The following SEC14L1 variants were observed in gnomAD, a reference collection of about 807,000 sequenced individuals.
SEC14L1 encodes SEC14 like lipid binding 1.
Under a neutral mutation model 85.3 loss-of-function variants are expected in SEC14L1, and 48 were observed. That is an observed-to-expected ratio of 0.56 (90% CI 0.45 to 0.72). SEC14L1 has a LOEUF of 0.72. Among genes scored for constraint, SEC14L1 ranks in the 30% least tolerant of loss-of-function variants. The probability of loss-of-function intolerance (pLI) is 0.00; values close to 1 mark genes in which losing one functional copy is unlikely to be tolerated. For synonymous variants in SEC14L1, 391 were observed against 355.5 expected (o/e 1.10, Z -1.12); for missense variants, 682 against 921.4 (o/e 0.74, Z 3.36).
At chr17:77,178,362 C>A (rs927400736) in intron 3 of SEC14L1, among the ~76,000 whole-genome samples, 1 of 152,012 alleles carries the variant, frequency 6.6e-6, no homozygotes, top group Non-Finnish European at 1.5e-5. Flanking sequence ...TGTTTTTTGA[C>A]ATTATTTTAA....
Position 77,215,121 on chromosome 17 carries a change from G to T in SEC14L1, c.*1098G>T. 1.0e-6 allele frequency: 1 copy of T among 985,592 alleles called. No individual in the cohort carries two copies. The highest frequency in any genetic ancestry group is 1.7e-5 in the African/African-American group (1 of 57,308). 61.1% of individuals were successfully genotyped at this position (985,592 alleles called of 1,614,324 possible). ...GTGTGCATGACGGTGGGGGTGCTGG[G>T]GGGACGGGGTGAGTGGAAACTTAGT... On this transcript the variant is annotated 3_prime_UTR_variant, in exon 17 of 17. Transcript: ENST00000436233.
In SEC14L1 at chr17:77,206,189, GCTGT is replaced by G. The variant is rs1179990199; in HGVS notation, c.1170-35_1170-32del. The G allele has an allele frequency of 6.3e-7, 1 of 1,592,124 alleles. No individual in the cohort carries two copies. The highest frequency in any genetic ancestry group is 1.3e-5 in the African/African-American group (1 of 74,508). Reference sequence around the variant, plus strand: ...AAATAAGACACAGTTTGCTAAGTGTGCTGTCTGTTGAATGAAACACATCTCTGCA... The same window carrying G: ...AAATAAGACACAGTTTGCTAAGTGTGCTGTTGAATGAAACACATCTCTGCA... On this transcript the variant is annotated intron_variant, in intron 11 of 16. Coordinates refer to ENST00000436233, the MANE Select transcript of SEC14L1 (RefSeq NM_001143998.2). The surrounding 1 kb of genome is among the most constrained non-coding windows in gnomAD (Gnocchi z 4.3).
At chr17:77,097,882 A>G (rs1283274110) in intron 3 of SEC14L1, among the ~76,000 whole-genome samples, 1 of 152,224 alleles carries the variant, frequency 6.6e-6, no homozygotes, top group Non-Finnish European at 1.5e-5. Flanking sequence ...GGAGAGAAAG[A>G]CAGCAGCCCC....
At chr17:77,089,429 T>C (rs1971451948) in intron 2 of SEC14L1, 2 of 518,994 alleles carry the variant, frequency 3.9e-6, no homozygotes, top group Non-Finnish European at 7.7e-6. Context: ...GGTTTTGAAT[T>C]TGCAGTAACA....
chr17:77,157,600 T>A (rs1055103681), intron 3 of SEC14L1, among the ~76,000 whole-genome samples: 13 of 152,030 alleles, frequency 8.6e-5, no homozygotes, highest in Admixed American at 3.3e-4. Flanking sequence ...TGATCTCGGC[T>A]CACTGCAGCC....
intron 3 of SEC14L1, among the ~76,000 whole-genome samples, chr17:77,100,171 C>T (rs866510297): frequency 6.6e-6 from 1 of 152,122 alleles, no homozygotes; most frequent in Non-Finnish European, 1.5e-5. Context: ...TGTTGACTTT[C>T]TTCCTGGTAG....
chr17:77,119,842 T>C (rs1972254883), intron 3 of SEC14L1, among the ~76,000 whole-genome samples: 1 of 152,086 alleles, frequency 6.6e-6, no homozygotes. Flanking sequence ...TGAGAAGAAT[T>C]AGAACCTTCG....
At chr17:77,167,493 T>G (rs1974337407) in intron 3 of SEC14L1, among the ~76,000 whole-genome samples, 1 of 152,214 alleles carries the variant, frequency 6.6e-6, no homozygotes. Context: ...GTTACTTGAT[T>G]GCTTTTGTTT....
chr17:77,125,243 C>T (rs536768029), intron 3 of SEC14L1, among the ~76,000 whole-genome samples: 3 of 152,046 alleles, frequency 2.0e-5, no homozygotes, highest in South Asian at 2.1e-4. Flanking sequence ...ATGATCTGCC[C>T]GCCTCGGCCT....
chr17:77,193,667 T>C, intron 6 of SEC14L1, 118 bp downstream of exon 6: 1 of 1,074,638 alleles, frequency 9.3e-7, no homozygotes, highest in Non-Finnish European at 1.4e-6. Context: ...GGGTGGAAGA[T>C]GCTATGATCC....
In SEC14L1 at chr17:77,206,967, TTTTG is replaced by T; in HGVS notation, c.1476+109_1476+112del. 1 of 1,231,946 alleles carries T rather than the reference TTTTG, an allele frequency of 8.1e-7. No individual in the cohort carries two copies. Among genetic ancestry groups the T allele is most frequent in the South Asian group, 1.9e-5 (1 of 52,596 alleles). 76.3% of individuals were successfully genotyped at this position (1,231,946 alleles called of 1,614,324 possible). A position where few individuals can be genotyped will look rare whatever the true frequency, so the allele number is the denominator to read the frequency against. ...TTCAGAACTTCCAGTTGTTTGGATGTTTTGTTTTTGTTTTGTTTCTTTTGGCCGC... is the reference window on the plus strand; with the variant it reads ...TTCAGAACTTCCAGTTGTTTGGATGTTTTTTGTTTTGTTTCTTTTGGCCGC... On this transcript the variant is annotated intron_variant, in intron 13 of 16. Transcript: ENST00000436233. This position sits in a 1 kb window ranked among gnomAD's most constrained non-coding sequence, Gnocchi z 4.3.
intron 14 of SEC14L1, chr17:77,210,824 A>C (rs968918436): frequency 1.3e-5 from 2 of 152,096 alleles, no homozygotes; most frequent in Non-Finnish European, 2.9e-5. Context: ...GTTTCGTGTG[A>C]ATCGGGGGCA....
At chr17:77,155,934 C>CTT (rs1973796012) in intron 3 of SEC14L1, among the ~76,000 whole-genome samples, 1 of 152,108 alleles carries the variant, frequency 6.6e-6, no homozygotes, top group South Asian at 2.1e-4. Context: ...TCCCAGAATC[C>CTT]TTTGTCATTG....
chr17:77,182,875 G>C (rs1412684878), intron 3 of SEC14L1, among the ~76,000 whole-genome samples: 1 of 152,236 alleles, frequency 6.6e-6, no homozygotes, highest in Non-Finnish European at 1.5e-5. Flanking sequence ...GAAAAGTCCA[G>C]GTTGCTGGCT....
intron 3 of SEC14L1, among the ~76,000 whole-genome samples, chr17:77,184,293 T>C (rs1975171896): frequency 6.6e-6 from 1 of 152,214 alleles, no homozygotes; most frequent in South Asian, 2.1e-4. Context: ...TAAATTTATC[T>C]GTAACCTGCA....
At chr17:77,109,732 A>G (rs1180304866) in intron 3 of SEC14L1, among the ~76,000 whole-genome samples, 1 of 152,206 alleles carries the variant, frequency 6.6e-6, no homozygotes, top group African/African-American at 2.4e-5. Context: ...TTTAATGCTC[A>G]GCCTTGGAAG....
chr17:77,206,568 T>C lies in SEC14L1; in HGVS notation c.1342-160T>C, dbSNP rs1014638344. The C allele has an allele frequency of 2.5e-5, 30 of 1,189,232 alleles. No homozygotes were observed. In the Middle Eastern group the frequency reaches 8.8e-4, roughly 35 times the overall value. The allele number at this position is 1,189,232 out of a possible 1,614,324, so 73.7% of individuals were successfully genotyped here. ...TGTTTAAGAAAGGGGAAAAACAAAA[T>C]GTGAGTGTCCTAATGCCATGCAAAT... On this transcript the variant is annotated intron_variant, in intron 12 of 16. Transcript: ENST00000436233. The surrounding 1 kb of genome is among the most constrained non-coding windows in gnomAD (Gnocchi z 4.3).
At chr17:77,199,916 C>T (rs1216939788) in intron 8 of SEC14L1, among the ~76,000 whole-genome samples, 1 of 152,200 alleles carries the variant, frequency 6.6e-6, no homozygotes, top group Non-Finnish European at 1.5e-5. Context: ...TGCCTATAAT[C>T]CCAACACTTT....
At chr17:77,182,845 A>G (rs970848664) in intron 3 of SEC14L1, among the ~76,000 whole-genome samples, 2 of 152,222 alleles carry the variant, frequency 1.3e-5, no homozygotes, top group African/African-American at 4.8e-5. Context: ...ACGGGGTTTT[A>G]AAAATAGAGA....
Sources: gnomAD v4.1 joint callset for allele counts (sites outside exome capture counted in the v4.1 genomes callset) on GRCh38, gnomAD v4.1.1 for gene constraint, Gnocchi (gnomAD v3.1) non-coding constraint, MANE v1.5 for transcripts, NCBI Gene and HGNC (gene_info 2026-07-23, HGNC 2026-07-21) for gene names.